The following EXT1 variants were observed in gnomAD, a reference collection of about 807,000 sequenced individuals.
EXT1 encodes exostosin glycosyltransferase 1.
In EXT1, 20 loss-of-function variants were observed where a neutral mutation model predicts 82.5. That is an observed-to-expected ratio of 0.24 (90% CI 0.17 to 0.35). EXT1 has a LOEUF of 0.35. EXT1 is among the 10% of genes least tolerant of loss of function. The pLI is 1.00. For missense variants in EXT1, 757 were observed against 936.5 expected (o/e 0.81, Z 2.50); for synonymous variants, 348 against 350.8 (o/e 0.99, Z 0.09).
intron 1 of EXT1, among the ~76,000 whole-genome samples, chr8:117,969,645 A>C (rs893177904): frequency 6.6e-6 from 1 of 152,066 alleles, no homozygotes; most frequent in African/African-American, 2.4e-5. Flanking sequence ...CCCCTCCCTC[A>C]TGTTGTGACA....
chr8:118,078,324 G>A (rs988679217), intron 1 of EXT1, among the ~76,000 whole-genome samples: 6 of 152,102 alleles, frequency 3.9e-5, no homozygotes, highest in African/African-American at 1.2e-4. Flanking sequence ...TCTGCTTCCC[G>A]AGTAGCTGGG....
intron 1 of EXT1, among the ~76,000 whole-genome samples, chr8:118,044,004 A>T (rs1816579463): frequency 6.6e-6 from 1 of 152,182 alleles, no homozygotes; most frequent in Non-Finnish European, 1.5e-5. Flanking sequence ...ACATCAGCTC[A>T]TTGTGTAGAG....
chr8:117,822,869 G>A (rs1328279669), intron 4 of EXT1, among the ~76,000 whole-genome samples: 1 of 152,120 alleles, frequency 6.6e-6, no homozygotes, highest in Non-Finnish European at 1.5e-5. Flanking sequence ...GTATAATAAT[G>A]AGTCCATGCT....
intron 1 of EXT1, among the ~76,000 whole-genome samples, chr8:117,846,114 T>C (rs1028034229): frequency 2.6e-4 from 40 of 152,010 alleles, no homozygotes; most frequent in African/African-American, 7.7e-4. Context: ...TTTTCTTTTT[T>C]CCCCCCTTTG....
chr8:117,901,440 G>A (rs1813446823), intron 1 of EXT1, among the ~76,000 whole-genome samples: 2 of 152,270 alleles, frequency 1.3e-5, no homozygotes, highest in South Asian at 4.1e-4. Context: ...GCAAGACTGG[G>A]CACTGCTCTG....
At chr8:118,045,562 AC>A (rs1487851121) in intron 1 of EXT1, among the ~76,000 whole-genome samples, 1 of 152,112 alleles carries the variant, frequency 6.6e-6, no homozygotes, top group Non-Finnish European at 1.5e-5. Context: ...ATATAACTTT[AC>A]CCAAAACCTA....
chr8:118,041,676 A>AGGAAGGAAGGAG (rs1251616395), intron 1 of EXT1, among the ~76,000 whole-genome samples: 2 of 142,930 alleles, frequency 1.4e-5, no homozygotes, highest in African/African-American at 5.1e-5. Flanking sequence ...GAAGGAAGGA[A>AGGAAGGAAGGAG]GGAAGGAAGG....
chr8:118,079,272 G>A (rs141117246), intron 1 of EXT1, among the ~76,000 whole-genome samples: 49 of 152,204 alleles, frequency 3.2e-4, no homozygotes, highest in Middle Eastern at 3.4e-3. Context: ...CAAACAAGCC[G>A]AGCAAATGGG....
chr8:117,812,190 C>T (rs1823336814), intron 8 of EXT1, among the ~76,000 whole-genome samples: 1 of 152,180 alleles, frequency 6.6e-6, no homozygotes, highest in Non-Finnish European at 1.5e-5. Flanking sequence ...CTTTGGTCCT[C>T]TGCATGGTTT....
rs998568305 is a variant in EXT1 at position 118,085,763 on chromosome 8, C to T, written c.962+24322G>A. ...GTGTTTTTACTGAAATAAAAATGTACCTGTTTTGTTGCAGAGCCTTGAAAA... is the reference window on the plus strand; with the variant it reads ...GTGTTTTTACTGAAATAAAAATGTATCTGTTTTGTTGCAGAGCCTTGAAAA... On this transcript the variant is annotated intron_variant, in intron 1 of 10. Transcript: ENST00000378204. 1.8e-4 allele frequency among the ~76,000 whole-genome samples: 27 copies of T among 151,172 alleles called. 1 individual carries two copies. The highest frequency in any genetic ancestry group is 6.6e-4 in the African/African-American group (27 of 41,196).
chr8:117,882,987 A>AG (rs2080857024), intron 1 of EXT1, among the ~76,000 whole-genome samples: 2 of 152,006 alleles, frequency 1.3e-5, no homozygotes, highest in South Asian at 4.2e-4. Flanking sequence ...AAAGAAAAAA[A>AG]AAAAAAAAAG....
chr8:118,071,220 T>C (rs991270360), intron 1 of EXT1, among the ~76,000 whole-genome samples: 3 of 152,182 alleles, frequency 2.0e-5, no homozygotes, highest in African/African-American at 7.2e-5. Context: ...TAGGACTGAA[T>C]AAATAATTGA....
In EXT1 at chr8:117,812,884, A is replaced by C. The variant is rs199692797; in HGVS notation, c.1710T>G (p.Leu570=). ...CATGGGTTCTTACCTCTGTTGTTGA[A>C]AGCACCGTGTCCTCGTCAAGGCTGA... ...AVLSLDEDTV[L]STTEVDFAFT... Residue 570 remains leucine, a synonymous_variant, in exon 8 of 11, where the codon CTT becomes CTG. Transcript: ENST00000378204. 3.7e-6 allele frequency: 6 copies of C among 1,614,028 alleles called. No individual in the cohort carries two copies. In the African/African-American group the frequency reaches 6.7e-5, roughly 18 times the overall value.
At chr8:117,903,990 A>C (rs1452825542) in intron 1 of EXT1, among the ~76,000 whole-genome samples, 1 of 152,246 alleles carries the variant, frequency 6.6e-6, no homozygotes, top group African/African-American at 2.4e-5. Context: ...CTCAAGAGAC[A>C]GTAACTGACC....
chr8:117,847,632 A>C (rs1043773265), intron 1 of EXT1, among the ~76,000 whole-genome samples: 2 of 152,178 alleles, frequency 1.3e-5, no homozygotes, highest in African/African-American at 2.4e-5. Context: ...ACCCTGCACC[A>C]GTCCAAAAAG....
chr8:118,095,084 G>A (rs1817586189), intron 1 of EXT1, among the ~76,000 whole-genome samples: 1 of 152,090 alleles, frequency 6.6e-6, no homozygotes, highest in Non-Finnish European at 1.5e-5. Flanking sequence ...AAAATCAGAT[G>A]AGGAAAACTG....
At chr8:117,920,792 G>A (rs1041723981) in intron 1 of EXT1, among the ~76,000 whole-genome samples, 1 of 152,120 alleles carries the variant, frequency 6.6e-6, no homozygotes, top group Non-Finnish European at 1.5e-5. Flanking sequence ...AATTGTGCTG[G>A]GTGGAAGTTG....
intron 1 of EXT1, among the ~76,000 whole-genome samples, chr8:118,022,771 C>T (rs10955849): frequency 0.26 from 40,107 of 151,940 alleles, 5,621 homozygotes; most frequent in South Asian, 0.42. Flanking sequence ...TGGAATGCAA[C>T]GAGACAGGTT....
intron 1 of EXT1, among the ~76,000 whole-genome samples, chr8:117,964,621 GTGTGTTTGTT>G (rs1246894077): frequency 8.6e-6 from 1 of 116,202 alleles, no homozygotes; most frequent in Non-Finnish European, 1.6e-5. Flanking sequence ...CTGTGTGTGT[GTGTGTTTGTT>G]TGTTTGTTTG....
Sources: gnomAD v4.1 joint callset for allele counts (sites outside exome capture counted in the v4.1 genomes callset) on GRCh38, gnomAD v4.1.1 for gene constraint, MANE v1.5 for transcripts, NCBI Gene and HGNC (gene_info 2026-07-23, HGNC 2026-07-21) for gene names.